NAV3: variants seen among roughly 807,000 people sequenced by gnomAD.
NAV3 encodes neuron navigator 3.
In NAV3, 87 loss-of-function variants were observed where a neutral mutation model predicts 244.7. The observed-to-expected ratio is 0.36, with a 90% CI of 0.30 to 0.42. The LOEUF (loss-of-function observed/expected upper bound fraction) is 0.42, where lower values mean the gene tolerates loss of function less well. Ranked by LOEUF, NAV3 falls within the 20% of genes least tolerant of loss-of-function variation. The pLI, the probability that NAV3 is intolerant of heterozygous loss-of-function variation, is 1.00. For missense variants in NAV3, 2,663 were observed against 2,893.3 expected, an observed-to-expected ratio of 0.92 and a Z score of 1.83; for synonymous variants, 1,126 against 1,042.2, an observed-to-expected ratio of 1.08 and a Z score of -1.55.
chr12:77,690,967 A>C (rs1020972353), intron 2 of NAV3, among the ~76,000 whole-genome samples: 4 of 150,768 alleles, frequency 2.7e-5, no homozygotes, highest in African/African-American at 9.7e-5. Context: ...TTGTGCTCTT[A>C]ATTTTTCTTC....
intron 1 of NAV3, among the ~76,000 whole-genome samples, chr12:77,917,100 T>C (rs1887222278): frequency 6.6e-6 from 1 of 151,922 alleles, no homozygotes; most frequent in South Asian, 2.1e-4. Context: ...TATTATAAAG[T>C]TTATGTAACT....
intron 2 of NAV3, among the ~76,000 whole-genome samples, chr12:77,785,527 C>G (rs1301019695): frequency 6.6e-6 from 1 of 152,026 alleles, no homozygotes; most frequent in East Asian, 1.9e-4. Flanking sequence ...AAAAAAGTAA[C>G]CTTCCAGGAG....
chr12:77,959,530 A>G (rs1229109367), intron 3 of NAV3, among the ~76,000 whole-genome samples: 1 of 152,048 alleles, frequency 6.6e-6, no homozygotes, highest in African/African-American at 2.4e-5. Flanking sequence ...AATCCCTACT[A>G]TGTACATTGT....
intron 2 of NAV3, among the ~76,000 whole-genome samples, chr12:77,648,345 T>C (rs1872688758): frequency 6.6e-6 from 1 of 152,072 alleles, no homozygotes; most frequent in Non-Finnish European, 1.5e-5. Flanking sequence ...TTTTGCTTAA[T>C]TAGTTGGGCT....
intron 1 of NAV3, among the ~76,000 whole-genome samples, chr12:77,879,430 G>T (rs1369676972): frequency 3.9e-5 from 6 of 152,054 alleles, no homozygotes; most frequent in Admixed American, 3.9e-4. Context: ...GACTTTGGGA[G>T]GTCCAGGCAG....
Position 77,983,812 on chromosome 12 carries a change from T to C in NAV3, c.672-10991T>C, listed in dbSNP as rs539034956. Among the ~76,000 whole-genome samples, 15 of 152,334 alleles carry C rather than the reference T, an allele frequency of 9.8e-5. No individual in the cohort carries two copies. The South Asian group carries it at 3.1e-3, about 32-fold the overall frequency. On this transcript the variant is annotated intron_variant, in intron 5 of 39. Transcript: ENST00000397909. ...TAACTTTTTGCTAAGTTCTTAAGTGTAAATTGTTTTTCTATTGAGAAGTAC... is the reference window on the plus strand; with the variant it reads ...TAACTTTTTGCTAAGTTCTTAAGTGCAAATTGTTTTTCTATTGAGAAGTAC...
intron 15 of NAV3, among the ~76,000 whole-genome samples, chr12:78,121,697 T>C (rs1955676215): frequency 6.6e-6 from 1 of 152,046 alleles, no homozygotes; most frequent in Non-Finnish European, 1.5e-5. Context: ...TGACTTACTT[T>C]TGTTCCACCC....
At chr12:77,586,131 C>T (rs1245143089) in intron 2 of NAV3, among the ~76,000 whole-genome samples, 1 of 151,836 alleles carries the variant, frequency 6.6e-6, no homozygotes, top group African/African-American at 2.4e-5. Context: ...CACTGCACTC[C>T]AGCCTGGGCG....
At position 78,044,692 on chromosome 12, in the gene NAV3, A is replaced by G. The variant is rs181064379; in HGVS notation, c.2024-5301A>G. ...TAAGTATTTTATTCTCTTTGTAGCA[A>G]TTGTGAATGGGAGTTTATTCATGAT... is the stretch of plus-strand genomic sequence containing the variant. On this transcript the variant is annotated intron_variant, in intron 9 of 39. Transcript: ENST00000397909. Among the ~76,000 whole-genome samples, 21 of 152,200 alleles carry G rather than the reference A, an allele frequency of 1.4e-4. 1 individual carries two copies. The highest frequency in any genetic ancestry group is 3.4e-4 in the African/African-American group (14 of 41,524).
At chr12:77,713,090 C>T (rs980089580) in intron 2 of NAV3, among the ~76,000 whole-genome samples, 1 of 152,176 alleles carries the variant, frequency 6.6e-6, no homozygotes, top group Non-Finnish European at 1.5e-5. Flanking sequence ...GAGAGATTGC[C>T]AGGCCCAAGA....
chr12:78,010,110 GTAATA>G (rs1275189557), intron 8 of NAV3, among the ~76,000 whole-genome samples: 4 of 152,000 alleles, frequency 2.6e-5, no homozygotes, highest in African/African-American at 9.7e-5. Context: ...TATATATAAA[GTAATA>G]TTCATTCAAA....
chr12:77,908,385 C>T (rs1217814134), intron 1 of NAV3, among the ~76,000 whole-genome samples: 1 of 151,948 alleles, frequency 6.6e-6, no homozygotes, highest in Non-Finnish European at 1.5e-5. Context: ...GCTTGGAAGT[C>T]TTTTATTCAC....
chr12:77,954,128 TG>T (rs1467244616), intron 3 of NAV3, among the ~76,000 whole-genome samples: 1 of 152,162 alleles, frequency 6.6e-6, no homozygotes, highest in Non-Finnish European at 1.5e-5. Flanking sequence ...TAAAATGCAT[TG>T]GATATTTGAG....
rs184631247 is a variant in NAV3, at chr12:77,797,617, C to T, written c.73-142702C>T. Among the ~76,000 whole-genome samples the T allele has an allele frequency of 7.0e-3, 976 of 139,432 alleles. 15 individuals carry two copies. Among genetic ancestry groups the T allele is most frequent in the African/African-American group, 0.023 (854 of 36,988 alleles). 91.5% of individuals were successfully genotyped at this position (139,432 alleles called of 152,430 possible). On this transcript the variant is annotated intron_variant, in intron 2 of 8. Transcript: ENST00000550042. ...CAGCACTTTGGGAGGCCGAGGTGGG[C>T]GGATCACAAGGTCAGCAGTTTGAGA...
At chr12:78,179,365 A>G (rs1958401163) in intron 28 of NAV3, 164 bp from the exon 29 acceptor site, 8 of 676,184 alleles carry the variant, frequency 1.2e-5, no homozygotes, top group Non-Finnish European at 1.6e-5. Context: ...CTGTGAATGC[A>G]TAACCGTTTG....
intron 8 of NAV3, among the ~76,000 whole-genome samples, chr12:78,008,121 T>C (rs1479149393): frequency 1.3e-5 from 2 of 152,206 alleles, no homozygotes; most frequent in African/African-American, 4.8e-5. Context: ...TTTCTCAGTG[T>C]AAATTTTATA....
intron 39 of NAV3, among the ~76,000 whole-genome samples, chr12:78,208,884 G>A (rs1960607516): frequency 6.6e-6 from 1 of 152,078 alleles, no homozygotes; most frequent in South Asian, 2.1e-4. Flanking sequence ...CATACAGGCA[G>A]CTGCTAATGA....
intron 5 of NAV3, among the ~76,000 whole-genome samples, chr12:77,979,224 CA>C (rs11297628): frequency 0.92 from 116,418 of 126,010 alleles, 53,826 homozygotes; most frequent in East Asian, 0.99. Context: ...AAATACAATA[CA>C]AAAAAAAAAA....
intron 12 of NAV3, among the ~76,000 whole-genome samples, chr12:78,083,053 G>T (rs1430949297): frequency 6.6e-6 from 1 of 152,194 alleles, no homozygotes; most frequent in Non-Finnish European, 1.5e-5. Context: ...ATAAGGAAAA[G>T]AAATTCACAT....
Sources: gnomAD v4.1 joint callset for allele counts (sites outside exome capture counted in the v4.1 genomes callset) on GRCh38, gnomAD v4.1.1 for gene constraint, MANE v1.5 for transcripts, NCBI Gene and HGNC (gene_info 2026-07-23, HGNC 2026-07-21) for gene names.